LARS2: variants seen among roughly 807,000 people sequenced by gnomAD.
LARS2 encodes leucine--tRNA ligase, mitochondrial.
A neutral mutation model predicts 116.6 loss-of-function variants in LARS2; 81 were observed. The ratio of observed to expected loss-of-function variants is 0.69; its 90% confidence interval spans 0.58 to 0.84. LARS2 has a LOEUF of 0.84. Ranked by LOEUF, LARS2 falls within the 40% of genes least tolerant of loss-of-function variation. LARS2 has a pLI of 0.00. For missense variants in LARS2, 968 were observed against 1,114.5 expected (o/e 0.87, Z 1.87); for synonymous variants, 396 against 407.2 (o/e 0.97, Z 0.33).
At chr3:45,514,120 C>G (rs182067204) in intron 16 of LARS2, among the ~76,000 whole-genome samples, 71 of 152,088 alleles carry the variant, frequency 4.7e-4, no homozygotes, top group African/African-American at 1.7e-3. Flanking sequence ...GCAGGAGAAT[C>G]ACTTGAACCC....
chr3:45,417,636 C>A, intron 5 of LARS2, 63 bp downstream of exon 5: 1 of 1,131,372 alleles, frequency 8.8e-7, no homozygotes, highest in Non-Finnish European at 1.3e-6. Flanking sequence ...TTTTTTTAAC[C>A]TGTGCTTAAA....
intron 9 of LARS2, among the ~76,000 whole-genome samples, chr3:45,475,826 G>C (rs1462027231): frequency 6.6e-6 from 1 of 152,156 alleles, no homozygotes; most frequent in African/African-American, 2.4e-5. Flanking sequence ...TTCATTATTG[G>C]CACTCTGTCA....
intron 10 of LARS2, 86 bp from the exon 11 acceptor site, chr3:45,485,606 A>G (rs905336272): frequency 4.3e-6 from 3 of 698,896 alleles, no homozygotes; most frequent in East Asian, 2.6e-5. Context: ...TCTAGTGCTT[A>G]CTTTTCTCAC....
chr3:45,477,085 G>A (rs1376387040), intron 10 of LARS2, among the ~76,000 whole-genome samples: 16 of 152,192 alleles, frequency 1.1e-4, no homozygotes, highest in Admixed American at 9.2e-4. Context: ...AATTCATGTG[G>A]TCATCTGAGC....
chr3:45,526,982 G>C (rs1280764527), intron 20 of LARS2, among the ~76,000 whole-genome samples: 2 of 152,210 alleles, frequency 1.3e-5, no homozygotes, highest in African/African-American at 2.4e-5. Context: ...AGCCAAGGGT[G>C]AGTGGCACCT....
At chr3:45,428,739 T>C (rs1698641521) in intron 6 of LARS2, among the ~76,000 whole-genome samples, 1 of 152,194 alleles carries the variant, frequency 6.6e-6, no homozygotes, top group African/African-American at 2.4e-5. Flanking sequence ...TATTTTTTAT[T>C]ATAACAATAC....
intron 7 of LARS2, among the ~76,000 whole-genome samples, chr3:45,452,636 G>A (rs557510542): frequency 6.6e-6 from 1 of 152,180 alleles, no homozygotes; most frequent in Admixed American, 6.5e-5. Flanking sequence ...AGGGATATTG[G>A]CCTATAGTTT....
At chr3:45,535,636 T>TG (rs1700691571) in intron 20 of LARS2, among the ~76,000 whole-genome samples, 1 of 152,094 alleles carries the variant, frequency 6.6e-6, no homozygotes, top group African/African-American at 2.4e-5. Context: ...TTGTGGGTGG[T>TG]GGCCATAAAA....
chr3:45,396,496 C>G (rs553297399), intron 3 of LARS2, among the ~76,000 whole-genome samples: 13 of 152,326 alleles, frequency 8.5e-5, no homozygotes, highest in African/African-American at 3.1e-4. Flanking sequence ...GTGTGTCTAT[C>G]AGGACCTGAG....
At chr3:45,389,860 G>C (rs1252471318) in intron 1 of LARS2, among the ~76,000 whole-genome samples, 2 of 152,152 alleles carry the variant, frequency 1.3e-5, no homozygotes, top group Non-Finnish European at 2.9e-5. Context: ...TTGGTGGAGG[G>C]GTACTTGGAG....
At chr3:45,479,892 T>C (rs1325224387) in intron 10 of LARS2, among the ~76,000 whole-genome samples, 3 of 152,144 alleles carry the variant, frequency 2.0e-5, no homozygotes, top group Non-Finnish European at 1.5e-5. Context: ...ATCTACACAA[T>C]GCATTTTTTG....
intron 4 of LARS2, among the ~76,000 whole-genome samples, chr3:45,412,205 C>T (rs1322923475): frequency 6.6e-6 from 1 of 151,520 alleles, no homozygotes; most frequent in Non-Finnish European, 1.5e-5. Context: ...GGGTATATAC[C>T]CAGTAATGGG....
rs373309032 is a variant in LARS2, at chr3:45,413,834, C to T, written c.364-3648C>T. ...GGGGCTTAGGAGAGAACAGATCTGG[C>T]GACTGGGATTGCAAGATGCACCTAG... On this transcript the variant is annotated intron_variant, in intron 4 of 21. Coordinates refer to ENST00000645846, the MANE Select transcript of LARS2 (RefSeq NM_015340.4). Among the ~76,000 whole-genome samples, 24 of 152,222 alleles carry T rather than the reference C, an allele frequency of 1.6e-4. 1 individual carries two copies. The highest frequency in any genetic ancestry group is 3.4e-3 in the Middle Eastern group (1 of 294).
In LARS2 at chr3:45,478,179, A is replaced by T. The variant is rs559832221; in HGVS notation, c.1018+1552A>T. Among the ~76,000 whole-genome samples the T allele has an allele frequency of 8.5e-5, 13 of 152,314 alleles. No individual in the cohort carries two copies. The East Asian group carries it at 2.5e-3, about 29-fold the overall frequency. The stretch of plus-strand genomic sequence containing the variant: ...AAAGCCCAATATAGCTGTCTCTCTC[A>T]GGTTTATTTTCTTTCCTTGCTCAAA... On this transcript the variant is annotated intron_variant, in intron 10 of 21. Transcript: ENST00000645846.
At chr3:45,401,015 G>T (rs1333609964) in intron 4 of LARS2, among the ~76,000 whole-genome samples, 3 of 152,040 alleles carry the variant, frequency 2.0e-5, no homozygotes, top group African/African-American at 7.2e-5. Context: ...GTTTCACTGT[G>T]TTAGCCAGGA....
intron 20 of LARS2, among the ~76,000 whole-genome samples, chr3:45,535,120 G>A (rs868806974): frequency 8.5e-5 from 13 of 152,108 alleles, no homozygotes; most frequent in African/African-American, 2.9e-4. Flanking sequence ...TTGGGAGGCC[G>A]AGGCAGACAG....
chr3:45,467,502 A>G (rs1449392626), intron 8 of LARS2, among the ~76,000 whole-genome samples: 1 of 152,232 alleles, frequency 6.6e-6, no homozygotes, highest in Non-Finnish European at 1.5e-5. Context: ...GCTCTTAACT[A>G]TGTAAAAGCA....
At chr3:45,514,265 G>A (rs1386568267) in intron 16 of LARS2, among the ~76,000 whole-genome samples, 1 of 152,110 alleles carries the variant, frequency 6.6e-6, no homozygotes, top group East Asian at 1.9e-4. Context: ...AGGGACAGCT[G>A]TGAGAAACCC....
At chr3:45,547,074 TGCTCAGAA>T (rs1700886431) in intron 21 of LARS2, among the ~76,000 whole-genome samples, 1 of 152,176 alleles carries the variant, frequency 6.6e-6, no homozygotes, top group African/African-American at 2.4e-5. Flanking sequence ...ATGGGAGCAG[TGCTCAGAA>T]AATGCAAGGC....
Sources: gnomAD v4.1 joint callset for allele counts (sites outside exome capture counted in the v4.1 genomes callset) on GRCh38, gnomAD v4.1.1 for gene constraint, MANE v1.5 for transcripts, NCBI Gene and HGNC (gene_info 2026-07-23, HGNC 2026-07-21) for gene names.